The following PLEKHA8 variants were observed in gnomAD, a reference collection of about 807,000 sequenced individuals.
PLEKHA8 encodes pleckstrin homology domain-containing family A member 8.
Under a neutral mutation model 68.2 loss-of-function variants are expected in PLEKHA8, and 36 were observed. The ratio of observed to expected loss-of-function variants is 0.53; its 90% CI spans 0.40 to 0.70. The LOEUF (loss-of-function observed/expected upper bound fraction) is 0.70. Ranked by LOEUF, PLEKHA8 falls within the 30% of genes least tolerant of loss-of-function variation. PLEKHA8 has a pLI of 0.00. For synonymous variants in PLEKHA8, 211 were observed against 216.1 expected (o/e 0.98, Z 0.20); for missense variants, 505 against 615.4 (o/e 0.82, Z 1.90).
chr7:30,076,939 T>TA (rs1794643974), intron 13 of PLEKHA8, among the ~76,000 whole-genome samples: 1 of 152,188 alleles, frequency 6.6e-6, no homozygotes, highest in Non-Finnish European at 1.5e-5. Flanking sequence ...CTTTCAGCAG[T>TA]TATACTCTAC....
intron 9 of PLEKHA8, among the ~76,000 whole-genome samples, chr7:30,055,635 A>C (rs1254307575): frequency 6.6e-6 from 1 of 152,162 alleles, no homozygotes; most frequent in African/African-American, 2.4e-5. Context: ...TAGACCTTCA[A>C]ATATATTGGC....
intron 13 of PLEKHA8, among the ~76,000 whole-genome samples, chr7:30,103,982 C>A (rs911248771): frequency 6.7e-6 from 1 of 148,222 alleles, no homozygotes; most frequent in Non-Finnish European, 1.5e-5. Flanking sequence ...AAGCTTGTAT[C>A]CAGACTCCTA....
intron 13 of PLEKHA8, chr7:30,075,228 A>C (rs1483865443): frequency 6.6e-6 from 1 of 152,178 alleles, no homozygotes; most frequent in Non-Finnish European, 1.5e-5. Flanking sequence ...ATGAAAATGA[A>C]ATATTTTTTG....
Position 30,084,480 on chromosome 7 carries a change from C to G in PLEKHA8, c.*5693C>G, listed in dbSNP as rs1056351609. On this transcript the variant is annotated 3_prime_UTR_variant, in exon 14 of 14. Transcript: ENST00000449726. ...TATGTTGGAGCCTCTTGGGACCAAC[C>G]GATGAGCGACAGTTTCATGTTTAGA... The G allele has an allele frequency of 3.4e-5, 33 of 985,000 alleles. No individual in the cohort carries two copies. In the African/African-American group the frequency reaches 5.2e-4, roughly 16 times the overall value. The allele number at this position is 985,000 out of a possible 1,614,324, so 61.0% of individuals were successfully genotyped here.
At chr7:30,090,271 A>C in exon 13 of PLEKHA8, 24 of 1,438,140 alleles carry the variant, frequency 1.7e-5, no homozygotes, top group East Asian at 2.5e-5. Context: ...AAGGGACCTC[A>C]AACTTCCTTT....
chr7:30,114,237 CTG>C (rs1289590493), intron 13 of PLEKHA8, among the ~76,000 whole-genome samples: 1 of 152,184 alleles, frequency 6.6e-6, no homozygotes, highest in African/African-American at 2.4e-5. Context: ...AAAACTTACT[CTG>C]TGCCAAGCAT....
intron 12 of PLEKHA8, among the ~76,000 whole-genome samples, chr7:30,072,555 A>G (rs1794309000): frequency 1.3e-5 from 2 of 152,270 alleles, no homozygotes; most frequent in African/African-American, 4.8e-5. Flanking sequence ...GTAAAATGCA[A>G]ATAAATACCT....
intron 7 of PLEKHA8, among the ~76,000 whole-genome samples, chr7:30,054,286 G>A (rs1479072067): frequency 3.3e-5 from 5 of 152,130 alleles, no homozygotes; most frequent in Non-Finnish European, 4.4e-5. Flanking sequence ...CAAAAGTGCC[G>A]CATGTATTGA....
intron 13 of PLEKHA8, among the ~76,000 whole-genome samples, chr7:30,098,301 T>C (rs1795711568): frequency 6.6e-6 from 1 of 152,234 alleles, no homozygotes; most frequent in Admixed American, 6.5e-5. Flanking sequence ...GCAGTCTGCC[T>C]GTTCTCAGAT....
downstream of PLEKHA8, among the ~76,000 whole-genome samples, chr7:30,087,312 A>C (rs920696632): frequency 1.3e-5 from 2 of 152,098 alleles, no homozygotes; most frequent in African/African-American, 4.8e-5. Context: ...TTCTTAATTT[A>C]GACCTGGCTC....
chr7:30,056,279 T>TCC (rs1792859219), intron 9 of PLEKHA8, among the ~76,000 whole-genome samples: 22 of 7,420 alleles, frequency 3.0e-3, no homozygotes, highest in South Asian at 9.4e-3. Flanking sequence ...AAAGATATAT[T>TCC]CTCTCTCTCT....
chr7:30,087,939 G>A (rs1450728386), downstream of PLEKHA8, among the ~76,000 whole-genome samples: 6 of 152,164 alleles, frequency 3.9e-5, no homozygotes, highest in Admixed American at 3.9e-4. Context: ...GGTTATTGGT[G>A]TAGCCACCTC....
chr7:30,089,044 A>G (rs1334694119), downstream of PLEKHA8, among the ~76,000 whole-genome samples: 1 of 152,162 alleles, frequency 6.6e-6, no homozygotes, highest in African/African-American at 2.4e-5. Context: ...CCGTACATAC[A>G]GTAGATATGT....
chr7:30,056,763 GTGTGTGTGTGTGTGTGTGTGTGTA>G (rs1436944334), intron 9 of PLEKHA8, among the ~76,000 whole-genome samples: 3 of 131,818 alleles, frequency 2.3e-5, no homozygotes, highest in Admixed American at 8.0e-5. Flanking sequence ...GTGTGTGTGT[GTGTGTGTGTGTGTGTGTGTGTGTA>G]TATATATATG....
chr7:30,110,284 T>C (rs1032547109), intron 13 of PLEKHA8, among the ~76,000 whole-genome samples: 1 of 152,246 alleles, frequency 6.6e-6, no homozygotes, highest in African/African-American at 2.4e-5. Context: ...TGTGGTGTTT[T>C]ATGTCTGGCT....
chr7:30,070,637 C>G, intron 12 of PLEKHA8, among the ~76,000 whole-genome samples: 1 of 151,312 alleles, frequency 6.6e-6, no homozygotes, highest in Non-Finnish European at 1.5e-5. Flanking sequence ...ACCTCTGCCT[C>G]CCAGGTTCAA....
chr7:30,127,734 T>G (rs1796799368), intron 13 of PLEKHA8, among the ~76,000 whole-genome samples: 1 of 152,238 alleles, frequency 6.6e-6, no homozygotes, highest in Middle Eastern at 3.2e-3. Context: ...AAAAAGTTCT[T>G]GTCTATAGAA....
intron 13 of PLEKHA8, among the ~76,000 whole-genome samples, chr7:30,125,492 A>G (rs1418588629): frequency 6.6e-6 from 1 of 152,272 alleles, no homozygotes. Context: ...GCTGTCCATG[A>G]TTTATTTTTA....
At chr7:30,097,172 T>G (rs183233488) in intron 13 of PLEKHA8, among the ~76,000 whole-genome samples, 2 of 152,364 alleles carry the variant, frequency 1.3e-5, no homozygotes, top group Non-Finnish European at 2.9e-5. Flanking sequence ...TCTTCTGGCT[T>G]GTAGAGTTAC....
Sources: gnomAD v4.1 joint callset for allele counts (sites outside exome capture counted in the v4.1 genomes callset) on GRCh38, gnomAD v4.1.1 for gene constraint, MANE v1.5 for transcripts, NCBI Gene and HGNC (gene_info 2026-07-23, HGNC 2026-07-21) for gene names.